CCDC158: variants seen among roughly 807,000 people sequenced by gnomAD.
CCDC158 encodes the protein coiled-coil domain-containing protein 158.
CCDC158 carries 116 observed loss-of-function variants against 138.6 expected under a neutral mutation model. The ratio of observed to expected loss-of-function variants is 0.84; its 90% confidence interval spans 0.72 to 0.98. The LOEUF (loss-of-function observed/expected upper bound fraction) is 0.98, where lower values mean the gene tolerates loss of function less well. Among genes scored for constraint, CCDC158 ranks in the 50% least tolerant of loss-of-function variants. The pLI is 0.00. For missense variants in CCDC158, 1,265 were observed against 1,306.1 expected (o/e 0.97, Z 0.48); for synonymous variants, 436 against 442.4 (o/e 0.99, Z 0.18).
intron 4 of CCDC158, among the ~76,000 whole-genome samples, chr4:76,386,751 G>A (rs193182074): frequency 1.3e-3 from 198 of 152,290 alleles, no homozygotes; most frequent in African/African-American, 4.6e-3. Context: ...CCCCAGCAGT[G>A]GCTGTGCAGA....
rs539971875 is a variant in CCDC158 at position 76,379,358 on chromosome 4, C to T, written c.961G>A (p.Asp321Asn). 13 of 1,610,364 alleles carry T rather than the reference C, an allele frequency of 8.1e-6. No individual in the cohort carries two copies. The East Asian group carries it at 9.0e-5, about 11-fold the overall frequency. ...QNSMYMRQLS[D>N]LESTVSQLRS... Reference sequence around the variant, plus strand: ...AGCTGAGAAACAGTAGATTCCAGATCGCTGAGCTGACGCATATACATAGAG... The same window carrying T: ...AGCTGAGAAACAGTAGATTCCAGATTGCTGAGCTGACGCATATACATAGAG... The change falls in exon 9 of 25, where the codon GAT becomes AAT. Residue 321 changes from aspartate to asparagine, a missense_variant. Asp to Asn is a conservative substitution (Grantham distance 23, BLOSUM62 1). Transcript: ENST00000682701.
intron 13 of CCDC158, among the ~76,000 whole-genome samples, chr4:76,361,098 C>T (rs1724086803): frequency 6.6e-6 from 1 of 152,270 alleles, no homozygotes; most frequent in Admixed American, 6.5e-5. Flanking sequence ...AAGTGTGTAG[C>T]ACCTCCCCCT....
intron 12 of CCDC158, among the ~76,000 whole-genome samples, chr4:76,365,266 A>G (rs1371348457): frequency 2.0e-5 from 3 of 152,188 alleles, no homozygotes; most frequent in South Asian, 2.1e-4. Context: ...CATACCTTCT[A>G]CAGCTATGAT....
intron 22 of CCDC158, 57 bp from the exon 23 acceptor site, chr4:76,326,072 G>T: frequency 7.3e-7 from 1 of 1,376,346 alleles, no homozygotes; most frequent in Non-Finnish European, 1.0e-6. Flanking sequence ...ATAGCAAACT[G>T]CACCTCTCAA....
At chr4:76,409,534 T>TA (rs948397024) in intron 2 of CCDC158, among the ~76,000 whole-genome samples, 3 of 152,168 alleles carry the variant, frequency 2.0e-5, no homozygotes, top group Non-Finnish European at 4.4e-5. Context: ...CTTACATTTT[T>TA]AAAAAGTAGT....
intron 12 of CCDC158, among the ~76,000 whole-genome samples, chr4:76,365,384 G>A (rs187163321): frequency 6.6e-6 from 1 of 152,166 alleles, no homozygotes; most frequent in East Asian, 1.9e-4. Context: ...TAATTACCTA[G>A]GAAATTATTC....
chr4:76,371,456 CTGACTGAAT>C lies in CCDC158; in HGVS notation c.1101_1109del (p.Phe368_Gln370del). ...GTTGATCATCTAAATTTCCAGATTCCTGACTGAATTGATCACGCTCTGTCCGGGCTTCAG... is the reference window on the plus strand; with the variant it reads ...GTTGATCATCTAAATTTCCAGATTCCTGATCACGCTCTGTCCGGGCTTCAG... On this transcript the variant is annotated inframe_deletion, in exon 10 of 25. Transcript: ENST00000682701. 1.9e-6 allele frequency: 3 copies of C among 1,614,036 alleles called. No individual in the cohort carries two copies. The highest frequency in any genetic ancestry group is 2.5e-6 in the Non-Finnish European group (3 of 1,179,974).
At chr4:76,316,423 T>C (rs1198485633) in intron 24 of CCDC158, among the ~76,000 whole-genome samples, 1 of 152,086 alleles carries the variant, frequency 6.6e-6, no homozygotes, top group Non-Finnish European at 1.5e-5. Flanking sequence ...AAAAAGAATT[T>C]AATAAAATTG....
chr4:76,365,056 T>TAGGAC (rs1560429006), intron 12 of CCDC158, among the ~76,000 whole-genome samples: 1 of 152,162 alleles, frequency 6.6e-6, no homozygotes, highest in Non-Finnish European at 1.5e-5. Context: ...ACAACACACA[T>TAGGAC]AGGACGAGTG....
intron 6 of CCDC158, among the ~76,000 whole-genome samples, 156 bp downstream of exon 6, chr4:76,383,932 G>T (rs898734408): frequency 6.6e-6 from 1 of 152,152 alleles, no homozygotes; most frequent in Admixed American, 6.5e-5. Context: ...AACCAAGCTA[G>T]TTCCTATTAT....
chr4:76,336,725 AC>A (rs1305710067), intron 18 of CCDC158, among the ~76,000 whole-genome samples: 1 of 151,846 alleles, frequency 6.6e-6, no homozygotes, highest in Non-Finnish European at 1.5e-5. Context: ...ACACTCATAC[AC>A]CCCCTCCTTA....
At chr4:76,405,500 A>G (rs906464975) in intron 2 of CCDC158, among the ~76,000 whole-genome samples, 2 of 152,208 alleles carry the variant, frequency 1.3e-5, no homozygotes, top group Non-Finnish European at 2.9e-5. Flanking sequence ...TTGGAAAAAA[A>G]GGATAAAGAC....
intron 13 of CCDC158, among the ~76,000 whole-genome samples, chr4:76,359,323 G>A (rs546672229): frequency 6.6e-6 from 1 of 152,314 alleles, no homozygotes; most frequent in Non-Finnish European, 1.5e-5. Flanking sequence ...CAGAGAGGTA[G>A]GATACTGCTC....
rs114971439 is a variant in CCDC158, at chr4:76,328,053, C to T, written c.3010+847G>A. ...TTTTCATTTTCTAAAACTTTTTCCT[C>T]TGATGTTTTTAATCTTTCTCTTCCA... On this transcript the variant is annotated intron_variant, in intron 22 of 24. Transcript: ENST00000682701. 6.0e-3 allele frequency among the ~76,000 whole-genome samples: 920 copies of T among 152,216 alleles called. 9 individuals are homozygous for T. The highest frequency in any genetic ancestry group is 0.021 in the African/African-American group (869 of 41,532).
chr4:76,351,960 A>G (rs1422982561), intron 16 of CCDC158, 148 bp from the exon 17 acceptor site: 1 of 571,550 alleles, frequency 1.7e-6, no homozygotes, highest in Non-Finnish European at 3.1e-6. Context: ...TATCTGTTTT[A>G]TTTAGTGAAC....
chr4:76,353,169 C>T lies in CCDC158; in HGVS notation c.2399G>A (p.Arg800His), dbSNP rs1553891365. ...ATTAGTAACCTTTTCTTTCAAACGG[C>T]GTTCCTGAGATCGCAGAACTTCCAA... ...GELEVLRSQERRLKEKVTNME... is the reference protein window; with the variant it reads ...GELEVLRSQEHRLKEKVTNME... The change falls in exon 16 of 25, where the codon CGC (arginine) becomes CAC (histidine). Residue 800 changes from arginine (R) to histidine (H), a missense_variant. Physicochemically the swap from Arg to His is conservative, Grantham distance 29. Coordinates refer to ENST00000682701, the MANE Select transcript of CCDC158 (RefSeq NM_001394954.1). 2 of 1,613,874 alleles carry T rather than the reference C, an allele frequency of 1.2e-6. No homozygotes were observed. Among genetic ancestry groups the T allele is most frequent in the Non-Finnish European group, 8.5e-7 (1 of 1,179,888 alleles).
chr4:76,328,956 G>C lies in CCDC158; in HGVS notation c.2954C>G (p.Thr985Arg), dbSNP rs558880123. Residue 985 changes from threonine to arginine, a missense_variant, in exon 22 of 25, where the codon ACA becomes AGA. Transcript: ENST00000682701. ...SSETLSREPV[T>R]LHAGDREDPS... Reference sequence around the variant, plus strand: ...ATCTTCCCTGTCTCCTGCGTGTAATGTGACTGGCTCTCTGGAAGCATAAGA... The same window carrying C: ...ATCTTCCCTGTCTCCTGCGTGTAATCTGACTGGCTCTCTGGAAGCATAAGA... 6.2e-7 allele frequency: 1 copy of C among 1,613,570 alleles called. No homozygotes were observed. Among genetic ancestry groups the C allele is most frequent in the Non-Finnish European group, 8.5e-7 (1 of 1,179,524 alleles).
chr4:76,369,694 A>G, intron 10 of CCDC158, 71 bp from the exon 11 acceptor site: 1 of 1,363,422 alleles, frequency 7.3e-7, no homozygotes, highest in African/African-American at 1.5e-5. Context: ...TTGTCTTTAT[A>G]TCATATTTGG....
intron 18 of CCDC158, among the ~76,000 whole-genome samples, chr4:76,336,202 A>C (rs890162573): frequency 3.3e-5 from 5 of 150,610 alleles, no homozygotes; most frequent in Non-Finnish European, 4.4e-5. Context: ...AAAAAAAAAA[A>C]AAAAAAACCA....
Sources: allele counts gnomAD v4.1 joint callset (sites outside exome capture counted in the v4.1 genomes callset), GRCh38; gene constraint gnomAD v4.1.1; transcripts MANE v1.5; gene names NCBI Gene and HGNC (gene_info 2026-07-23, HGNC 2026-07-21).